Variants in FAM120B observed in about 807,000 individuals in gnomAD.
The protein encoded by FAM120B is family with sequence similarity 120 member B.
FAM120B carries 83 observed loss-of-function variants against 96.3 expected under a neutral mutation model. That is an observed-to-expected ratio of 0.86 (90% CI 0.72 to 1.03). FAM120B has a LOEUF of 1.03. FAM120B is among the 50% of genes least tolerant of loss of function. The pLI, the probability that FAM120B is intolerant of heterozygous loss-of-function variation, is 0.00. For missense variants in FAM120B, 1,027 were observed against 1,121.2 expected, an observed-to-expected ratio of 0.92 and a Z score of 1.20; for synonymous variants, 407 against 402.7, an observed-to-expected ratio of 1.01 and a Z score of -0.13.
intron 6 of FAM120B, among the ~76,000 whole-genome samples, chr6:170,361,304 A>G (rs961920143): frequency 6.8e-6 from 1 of 148,020 alleles, no homozygotes; most frequent in Non-Finnish European, 1.5e-5. Flanking sequence ...TGACTGGATT[A>G]TATGTGTAAA....
chr6:170,376,567 G>A (rs1305491878), intron 6 of FAM120B, among the ~76,000 whole-genome samples: 4 of 152,100 alleles, frequency 2.6e-5, no homozygotes, highest in East Asian at 1.9e-4. Context: ...GCAGCAGAGC[G>A]GTATGCAAGA....
intron 1 of FAM120B, among the ~76,000 whole-genome samples, chr6:170,315,852 C>T (rs554069154): frequency 3.1e-4 from 47 of 150,844 alleles, no homozygotes; most frequent in Admixed American, 2.5e-3. Context: ...GAGGCTGAGG[C>T]GAGAGGATCG....
At chr6:170,345,891 A>G (rs1236479372) in intron 4 of FAM120B, among the ~76,000 whole-genome samples, 2 of 152,236 alleles carry the variant, frequency 1.3e-5, no homozygotes, top group Admixed American at 6.5e-5. Context: ...AGAAATGCGC[A>G]GCTAGGTGAT....
chr6:170,325,395 T>G (rs910255721), intron 3 of FAM120B, among the ~76,000 whole-genome samples: 1 of 152,318 alleles, frequency 6.6e-6, no homozygotes, highest in Non-Finnish European at 1.5e-5. Context: ...ACTCTTGGCA[T>G]AATTAGGGCT....
intron 4 of FAM120B, among the ~76,000 whole-genome samples, chr6:170,347,752 A>G (rs1787288584): frequency 6.6e-6 from 1 of 152,188 alleles, no homozygotes; most frequent in Admixed American, 6.5e-5. Context: ...AAAACCATTA[A>G]TTTAAGAGAG....
intron 6 of FAM120B, among the ~76,000 whole-genome samples, chr6:170,380,770 G>A (rs1290944282): frequency 6.6e-6 from 1 of 152,174 alleles, no homozygotes; most frequent in Non-Finnish European, 1.5e-5. Flanking sequence ...TGCATGGTTT[G>A]CAAATATTTT....
intron 1 of FAM120B, among the ~76,000 whole-genome samples, chr6:170,309,689 A>G (rs534349896): frequency 2.4e-4 from 37 of 152,346 alleles, no homozygotes; most frequent in African/African-American, 7.9e-4. Flanking sequence ...GGATTTGTGC[A>G]AATTATTATA....
chr6:170,318,840 G>A lies in FAM120B; in HGVS notation c.1450G>A (p.Glu484Lys). The change falls in exon 2 of 11, where the codon GAA (glutamate) becomes AAA (lysine). Residue 484 changes from glutamate (E) to lysine (K), a missense_variant. By Grantham distance (56) the Glu-to-Lys change is moderately conservative (BLOSUM62 1). Transcript: ENST00000476287. ...GTATACAGGCCCTGAATCCAGGCAA[G>A]AAGTTTTAATACGGACAGACCCTGA... ...PMYTGPESRQEVLIRTDPESR... is the reference protein window; with the variant it reads ...PMYTGPESRQKVLIRTDPESR... 6.2e-7 allele frequency: 1 copy of A among 1,614,222 alleles called. No individual in the cohort carries two copies. Among genetic ancestry groups the A allele is most frequent in the Non-Finnish European group, 8.5e-7 (1 of 1,180,052 alleles).
chr6:170,368,829 G>GA (rs939355478), intron 6 of FAM120B, among the ~76,000 whole-genome samples: 1 of 148,888 alleles, frequency 6.7e-6, no homozygotes, highest in African/African-American at 2.5e-5. Context: ...CTGGGGGGGG[G>GA]GCTCCCTCCT....
chr6:170,357,846 G>C (rs1291151674), intron 5 of FAM120B, among the ~76,000 whole-genome samples: 1 of 152,248 alleles, frequency 6.6e-6, no homozygotes, highest in Non-Finnish European at 1.5e-5. Context: ...ACACCATAGA[G>C]AGAGCTTCAC....
At position 170,404,568 on chromosome 6, in the gene FAM120B, A is replaced by G. The variant is rs1238260653; in HGVS notation, c.2711A>G (p.His904Arg). The stretch of plus-strand genomic sequence containing the variant: ...ACTGCAGGAAGCAGACAGTATGAGC[A>G]TGACCAGTGGAGAAGGTACTAGTCA... ...DQGPGSRQYEHDQWRRY is the reference protein window; with the variant it reads ...DQGPGSRQYERDQWRRY Residue 904 changes from histidine (H) to arginine (R), a missense_variant, in exon 10 of 11, where the codon CAT (histidine) becomes CGT (arginine). His to Arg is a conservative substitution (Grantham distance 29). Transcript: ENST00000476287. 4 of 1,613,976 alleles carry G rather than the reference A, an allele frequency of 2.5e-6. No individual in the cohort carries two copies. The highest frequency in any genetic ancestry group is 1.1e-5 in the South Asian group (1 of 91,078).
chr6:170,340,371 A>G (rs1786738349), intron 4 of FAM120B, among the ~76,000 whole-genome samples: 1 of 152,056 alleles, frequency 6.6e-6, no homozygotes. Context: ...TGAACTGGTT[A>G]TTCCAGTTAG....
At chr6:170,335,796 A>C (rs1006129451) in intron 4 of FAM120B, among the ~76,000 whole-genome samples, 1 of 152,142 alleles carries the variant, frequency 6.6e-6, no homozygotes, top group African/African-American at 2.4e-5. Context: ...GCATTTCTCT[A>C]ATGACCAGTG....
intron 4 of FAM120B, among the ~76,000 whole-genome samples, chr6:170,346,696 G>C (rs1787215800): frequency 6.6e-6 from 1 of 151,372 alleles, no homozygotes; most frequent in African/African-American, 2.4e-5. Flanking sequence ...CCTGCATCAT[G>C]AAATATCATT....
At chr6:170,294,368 G>A (rs1264664195), upstream of FAM120B, among the ~76,000 whole-genome samples, 2 of 152,212 alleles carry the variant, frequency 1.3e-5, no homozygotes, top group African/African-American at 2.4e-5. The surrounding 1 kb of genome is among the most constrained non-coding windows in gnomAD (Gnocchi z 7.9). Context: ...TTTGCTGCCT[G>A]GTGGTGGTGT....
intron 1 of FAM120B, among the ~76,000 whole-genome samples, chr6:170,312,772 G>A (rs1032558012): frequency 6.6e-6 from 1 of 152,204 alleles, no homozygotes; most frequent in African/African-American, 2.4e-5. Flanking sequence ...CTATTGCAGT[G>A]AAGGAGAGAG....
At chr6:170,393,148 CAA>C (rs66472378) in intron 8 of FAM120B, among the ~76,000 whole-genome samples, 12 of 119,734 alleles carry the variant, frequency 1.0e-4, no homozygotes, top group East Asian at 3.4e-4. Context: ...CCTGTCTTTA[CAA>C]AAAAAAAAAA....
intron 4 of FAM120B, among the ~76,000 whole-genome samples, chr6:170,347,521 T>C (rs2115136931): frequency 6.6e-6 from 1 of 152,324 alleles, no homozygotes; most frequent in East Asian, 1.9e-4. Flanking sequence ...CACTAAAAAT[T>C]ACATTTTAGG....
intron 6 of FAM120B, among the ~76,000 whole-genome samples, chr6:170,361,051 G>A (rs1250851629): frequency 6.6e-6 from 1 of 151,898 alleles, no homozygotes; most frequent in Non-Finnish European, 1.5e-5. Context: ...GTGTGCCCTG[G>A]TGTCACCAGC....
Sources: allele counts gnomAD v4.1 joint callset (sites outside exome capture counted in the v4.1 genomes callset), GRCh38; gene constraint gnomAD v4.1.1; non-coding constraint Gnocchi (gnomAD v3.1); transcripts MANE v1.5; gene names NCBI Gene and HGNC (gene_info 2026-07-23, HGNC 2026-07-21).